The following HS3ST4 variants were observed in gnomAD, a reference collection of about 807,000 sequenced individuals.
The protein encoded by HS3ST4 is heparan sulfate glucosamine 3-O-sulfotransferase 4.
Under a neutral mutation model 29.2 loss-of-function variants are expected in HS3ST4, and 17 were observed. That is an observed-to-expected ratio of 0.58 (90% CI 0.40 to 0.87). The LOEUF (loss-of-function observed/expected upper bound fraction) is 0.87, where lower values mean the gene tolerates loss of function less well. Ranked by LOEUF, HS3ST4 falls within the 40% of genes least tolerant of loss-of-function variation. The pLI, the probability that HS3ST4 is intolerant of heterozygous loss-of-function variation, is 0.00. For synonymous variants in HS3ST4, 314 were observed against 285.7 expected, an observed-to-expected ratio of 1.10 and a Z score of -1.00; for missense variants, 627 against 634.5, an observed-to-expected ratio of 0.99 and a Z score of 0.13.
At chr16:25,978,395 C>T (rs968802246) in intron 1 of HS3ST4, among the ~76,000 whole-genome samples, 1 of 152,040 alleles carries the variant, frequency 6.6e-6, no homozygotes, top group Non-Finnish European at 1.5e-5. Context: ...CAGCTCTGTC[C>T]TTGAAGTGGA....
At chr16:25,901,534 G>A (rs953755737) in intron 1 of HS3ST4, among the ~76,000 whole-genome samples, 1 of 152,192 alleles carries the variant, frequency 6.6e-6, no homozygotes, top group Non-Finnish European at 1.5e-5. Flanking sequence ...AGCCAGGCGT[G>A]GTGGCTGGTG....
At chr16:25,699,843 G>T (rs1273215108) in intron 1 of HS3ST4, among the ~76,000 whole-genome samples, 2 of 152,152 alleles carry the variant, frequency 1.3e-5, no homozygotes, top group Non-Finnish European at 2.9e-5. Flanking sequence ...AATATTACCC[G>T]CTGCCAAAGG....
At chr16:26,046,959 G>A (rs1210481138) in intron 1 of HS3ST4, among the ~76,000 whole-genome samples, 1 of 152,146 alleles carries the variant, frequency 6.6e-6, no homozygotes, top group Non-Finnish European at 1.5e-5. Context: ...TGAAGTCTGT[G>A]CTGTTAACTA....
chr16:26,123,810 TC>T (rs1899307673), intron 1 of HS3ST4, among the ~76,000 whole-genome samples: 1 of 152,226 alleles, frequency 6.6e-6, no homozygotes, highest in Non-Finnish European at 1.5e-5. Flanking sequence ...ATTAATGACT[TC>T]CAGCTCCATT....
chr16:26,059,150 A>G (rs1898445228), intron 1 of HS3ST4, among the ~76,000 whole-genome samples: 1 of 152,158 alleles, frequency 6.6e-6, no homozygotes, highest in Non-Finnish European at 1.5e-5. Context: ...GGGACCTAGA[A>G]AAAGGCGATG....
intron 1 of HS3ST4, among the ~76,000 whole-genome samples, chr16:25,770,659 A>G (rs1029449652): frequency 2.6e-5 from 4 of 152,116 alleles, no homozygotes; most frequent in Non-Finnish European, 5.9e-5. Context: ...TTGCATCTGG[A>G]GCTGTACGGC....
chr16:25,703,282 G>C (rs191386236), intron 1 of HS3ST4, among the ~76,000 whole-genome samples: 4 of 152,280 alleles, frequency 2.6e-5, no homozygotes, highest in African/African-American at 7.2e-5. Flanking sequence ...AGGACGGGAG[G>C]GGGAGATGGA....
chr16:25,962,880 T>C (rs1346715071), intron 1 of HS3ST4, among the ~76,000 whole-genome samples: 5 of 152,192 alleles, frequency 3.3e-5, no homozygotes, highest in African/African-American at 9.6e-5. Context: ...AATTAATGCA[T>C]GTACGATCAC....
chr16:26,105,064 C>G (rs2141799065), intron 1 of HS3ST4, among the ~76,000 whole-genome samples: 1 of 152,318 alleles, frequency 6.6e-6, no homozygotes, highest in Non-Finnish European at 1.5e-5. Flanking sequence ...AGCCTCTTCT[C>G]CCCACAGCAA....
intron 1 of HS3ST4, among the ~76,000 whole-genome samples, chr16:25,985,964 C>T (rs1969058217): frequency 6.6e-6 from 1 of 152,186 alleles, no homozygotes; most frequent in African/African-American, 2.4e-5. Context: ...GGATTACAGG[C>T]ACGGCCCACC....
Position 25,692,852 on chromosome 16 carries a change from C to A in HS3ST4, c.435C>A (p.Ala145=), listed in dbSNP as rs1596545329. ...AQDAWLRTPL[A]PSEMITAQSA... is the part of the protein sequence containing the mutation. ...ACGCCTGGCTCCGGACCCCGCTGGCCCCCAGCGAGATGATCACGGCTCAGA... is the reference window on the plus strand; with the variant it reads ...ACGCCTGGCTCCGGACCCCGCTGGCACCCAGCGAGATGATCACGGCTCAGA... Residue 145 remains alanine (A), a synonymous_variant, in exon 1 of 2, where the codon GCC becomes GCA. Coordinates refer to ENST00000331351, the MANE Select transcript of HS3ST4 (RefSeq NM_006040.3). The A allele has an allele frequency of 2.0e-6, 3 of 1,471,296 alleles. No homozygotes were observed. The highest frequency in any genetic ancestry group is 1.5e-5 in the African/African-American group (1 of 68,516). The allele number at this position is 1,471,296 out of a possible 1,614,324, so 91.1% of individuals were successfully genotyped here. A position where few individuals can be genotyped will look rare whatever the true frequency, so the allele number is the denominator to read the frequency against.
chr16:25,838,085 C>A (rs1424218993), intron 1 of HS3ST4, among the ~76,000 whole-genome samples: 4 of 152,290 alleles, frequency 2.6e-5, no homozygotes, highest in African/African-American at 9.6e-5. Flanking sequence ...TGGGTTAGAA[C>A]CCCAACTCTG....
At chr16:25,948,927 G>T (rs1325268900) in intron 1 of HS3ST4, among the ~76,000 whole-genome samples, 1 of 152,140 alleles carries the variant, frequency 6.6e-6, no homozygotes, top group East Asian at 1.9e-4. Flanking sequence ...CATAAATTCT[G>T]GGGTCTGAGG....
chr16:26,022,458 G>A (rs1226624751), intron 1 of HS3ST4, among the ~76,000 whole-genome samples: 1 of 152,028 alleles, frequency 6.6e-6, no homozygotes, highest in African/African-American at 2.4e-5. Context: ...TAAATCAAGG[G>A]CCCACAGTCT....
chr16:25,952,443 C>T (rs1325478056), intron 1 of HS3ST4, among the ~76,000 whole-genome samples: 1 of 152,154 alleles, frequency 6.6e-6, no homozygotes, highest in Non-Finnish European at 1.5e-5. Context: ...CAGGGGGATT[C>T]AAGCATCTGA....
intron 1 of HS3ST4, among the ~76,000 whole-genome samples, chr16:26,135,374 T>C (rs955350463): frequency 2.0e-5 from 3 of 152,188 alleles, no homozygotes; most frequent in Admixed American, 6.5e-5. Context: ...AGAATAGCCA[T>C]TTAAACCTAG....
intron 1 of HS3ST4, among the ~76,000 whole-genome samples, chr16:25,914,751 C>T (rs1038207968): frequency 1.8e-4 from 28 of 151,658 alleles, no homozygotes; most frequent in Middle Eastern, 3.4e-3. Context: ...TGAAAGGCAG[C>T]GGAGGGCGGG....
At chr16:25,854,025 G>C (rs1967548133) in intron 1 of HS3ST4, among the ~76,000 whole-genome samples, 1 of 152,076 alleles carries the variant, frequency 6.6e-6, no homozygotes, top group African/African-American at 2.4e-5. Context: ...CTCCCTATTT[G>C]ATATTGGTCT....
At chr16:25,843,858 A>G (rs1465134498) in intron 1 of HS3ST4, among the ~76,000 whole-genome samples, 3 of 152,196 alleles carry the variant, frequency 2.0e-5, no homozygotes, top group Non-Finnish European at 2.9e-5. Context: ...GCTTGATGCA[A>G]GGTGATCAGC....
Sources: gnomAD v4.1 joint callset for allele counts (sites outside exome capture counted in the v4.1 genomes callset) on GRCh38, gnomAD v4.1.1 for gene constraint, MANE v1.5 for transcripts, NCBI Gene and HGNC (gene_info 2026-07-23, HGNC 2026-07-21) for gene names.